The following CPNE4 variants were observed in gnomAD, a reference collection of about 807,000 sequenced individuals.
CPNE4 encodes copine 4.
Under a neutral mutation model 67.9 loss-of-function variants are expected in CPNE4, and 25 were observed. The observed-to-expected ratio is 0.37, with a 90% CI of 0.27 to 0.51. The LOEUF is 0.51. Among genes scored for constraint, CPNE4 ranks in the 20% least tolerant of loss-of-function variants. CPNE4 has a pLI of 0.93. For missense variants in CPNE4, 464 were observed against 690.8 expected (o/e 0.67, Z 3.68); for synonymous variants, 242 against 244.9 (o/e 0.99, Z 0.11).
At chr3:131,841,080 G>A (rs1427893783) in intron 2 of CPNE4, among the ~76,000 whole-genome samples, 1 of 152,188 alleles carries the variant, frequency 6.6e-6, no homozygotes, top group Non-Finnish European at 1.5e-5. Flanking sequence ...TGGTTAGACA[G>A]AACCATCAAG....
At chr3:131,638,878 G>A (rs965441133) in intron 7 of CPNE4, among the ~76,000 whole-genome samples, 3 of 152,002 alleles carry the variant, frequency 2.0e-5, no homozygotes, top group African/African-American at 2.4e-5. Flanking sequence ...CCCTCAAAAC[G>A]ATGCAAATAT....
chr3:131,666,265 G>A (rs926779045), intron 7 of CPNE4, among the ~76,000 whole-genome samples: 4 of 151,748 alleles, frequency 2.6e-5, no homozygotes, highest in African/African-American at 7.3e-5. Flanking sequence ...TAATTATAAG[G>A]CAAAATTAAA....
At chr3:131,923,896 G>GT (rs760102181) in intron 1 of CPNE4, among the ~76,000 whole-genome samples, 5 of 151,724 alleles carry the variant, frequency 3.3e-5, no homozygotes, top group Non-Finnish European at 4.4e-5. Context: ...TCCACCAAAA[G>GT]TAAGACCCAG....
At chr3:131,895,562 A>AT (rs148901938) in intron 2 of CPNE4, among the ~76,000 whole-genome samples, 1 of 87,700 alleles carries the variant, frequency 1.1e-5, no homozygotes, top group Non-Finnish European at 2.4e-5. Flanking sequence ...AGTTAATTTT[A>AT]TTTTTTTTGT....
intron 7 of CPNE4, among the ~76,000 whole-genome samples, chr3:131,590,028 G>A (rs566529204): frequency 3.9e-5 from 6 of 152,154 alleles, no homozygotes; most frequent in Non-Finnish European, 7.3e-5. Context: ...GAGGAGGGGA[G>A]AGACAGGCAA....
At chr3:131,784,567 A>G (rs1433654344) in intron 2 of CPNE4, among the ~76,000 whole-genome samples, 3 of 152,132 alleles carry the variant, frequency 2.0e-5, no homozygotes, top group Non-Finnish European at 4.4e-5. Context: ...CAAAAACTGA[A>G]GGGTTAACGT....
chr3:131,611,984 C>G (rs970858454), intron 7 of CPNE4, among the ~76,000 whole-genome samples: 3 of 152,168 alleles, frequency 2.0e-5, no homozygotes, highest in African/African-American at 7.2e-5. Flanking sequence ...CCAGAAGGGT[C>G]AGCTTCTTTG....
chr3:131,884,545 C>T (rs1474439582), intron 2 of CPNE4, among the ~76,000 whole-genome samples: 1 of 152,110 alleles, frequency 6.6e-6, no homozygotes, highest in Admixed American at 6.5e-5. Flanking sequence ...CAGAGTGTTT[C>T]AGAGAGCAGG....
chr3:132,027,547 C>T (rs1193214314), intron 1 of CPNE4, among the ~76,000 whole-genome samples: 1 of 151,994 alleles, frequency 6.6e-6, no homozygotes, highest in African/African-American at 2.4e-5. Context: ...AGTCAAGTCA[C>T]AGGACGTAAA....
chr3:131,876,279 TAA>T, intron 2 of CPNE4, among the ~76,000 whole-genome samples: 1 of 137,486 alleles, frequency 7.3e-6, no homozygotes, highest in African/African-American at 2.6e-5. Context: ...AATAAATAAA[TAA>T]ATACGAATAC....
chr3:131,806,849 A>G (rs1435871391), intron 2 of CPNE4, among the ~76,000 whole-genome samples: 1 of 152,208 alleles, frequency 6.6e-6, no homozygotes, highest in East Asian at 1.9e-4. Context: ...ATTTGTTTCG[A>G]AAAACCTAAC....
chr3:131,615,093 G>T (rs1247529098), intron 7 of CPNE4, among the ~76,000 whole-genome samples: 1 of 152,178 alleles, frequency 6.6e-6, no homozygotes, highest in Admixed American at 6.5e-5. Context: ...TTGGGGTAAG[G>T]CCTGAGGATC....
intron 1 of CPNE4, among the ~76,000 whole-genome samples, chr3:131,921,318 TCA>T (rs1290972079): frequency 6.6e-6 from 1 of 152,194 alleles, no homozygotes; most frequent in Non-Finnish European, 1.5e-5. Context: ...CAAATAAGTT[TCA>T]CAGATAACTG....
intron 1 of CPNE4, among the ~76,000 whole-genome samples, chr3:131,944,638 T>C (rs1211107531): frequency 1.3e-5 from 2 of 151,530 alleles, no homozygotes; most frequent in Admixed American, 1.3e-4. Flanking sequence ...AAAAAAAGAG[T>C]CATTTCCAGT....
At chr3:131,620,352 A>G (rs1011663852) in intron 7 of CPNE4, 6 of 484,644 alleles carry the variant, frequency 1.2e-5, no homozygotes, top group Non-Finnish European at 1.6e-5. Flanking sequence ...TAAGTGTTTA[A>G]AGGTTTTAAA....
chr3:131,545,741 T>G (rs549746036), intron 14 of CPNE4, among the ~76,000 whole-genome samples: 1 of 152,322 alleles, frequency 6.6e-6, no homozygotes, highest in East Asian at 1.9e-4. Flanking sequence ...TTGGTTTACT[T>G]TATAATATGG....
chr3:131,723,081 C>T (rs758406979), intron 3 of CPNE4, among the ~76,000 whole-genome samples: 6 of 152,156 alleles, frequency 3.9e-5, no homozygotes, highest in Non-Finnish European at 7.3e-5. Context: ...GGGGTTCTCA[C>T]AGCTGAGTTG....
chr3:131,916,362 A>C (rs1055817078), intron 1 of CPNE4, among the ~76,000 whole-genome samples: 4 of 152,066 alleles, frequency 2.6e-5, no homozygotes, highest in Non-Finnish European at 5.9e-5. Flanking sequence ...AAAAAAAAAA[A>C]AAAACAGAGC....
chr3:131,776,985 T>G (rs2083306806), intron 2 of CPNE4, among the ~76,000 whole-genome samples: 1 of 152,132 alleles, frequency 6.6e-6, no homozygotes. Flanking sequence ...CCCTAGTAGC[T>G]CAGGGAAGTT....
Sources: gnomAD v4.1 joint callset for allele counts (sites outside exome capture counted in the v4.1 genomes callset) on GRCh38, gnomAD v4.1.1 for gene constraint, MANE v1.5 for transcripts, NCBI Gene and HGNC (gene_info 2026-07-23, HGNC 2026-07-21) for gene names.